Variants in MAPK9 observed in about 807,000 individuals in gnomAD.
The protein encoded by MAPK9 is mitogen-activated protein kinase 9.
A neutral mutation model predicts 57.1 loss-of-function variants in MAPK9; 30 were observed. The ratio of observed to expected loss-of-function variants is 0.53; its 90% CI spans 0.39 to 0.71. The LOEUF (loss-of-function observed/expected upper bound fraction) is 0.71, where lower values mean the gene tolerates loss of function less well. Among genes scored for constraint, MAPK9 ranks in the 30% least tolerant of loss-of-function variants. The probability of loss-of-function intolerance (pLI) is 0.00; values close to 1 mark genes in which losing one functional copy is unlikely to be tolerated. For missense variants in MAPK9, 362 were observed against 521.0 expected (o/e 0.69, Z 2.97); for synonymous variants, 155 against 177.0 (o/e 0.88, Z 0.99).
At position 180,234,382 on chromosome 5, in the gene MAPK9, C is replaced by T. The variant is rs1210631952; in HGVS notation, c.*2002G>A. 6.6e-6 allele frequency: 1 copy of T among 152,220 alleles called. No individual in the cohort carries two copies. Among genetic ancestry groups the T allele is most frequent in the Non-Finnish European group, 1.5e-5 (1 of 68,050 alleles). The allele number at this position is 152,220 out of a possible 1,614,324, so 9.4% of individuals were successfully genotyped here. A position where few individuals can be genotyped will look rare whatever the true frequency, so the allele number is the denominator to read the frequency against. On this transcript the variant is annotated 3_prime_UTR_variant, in exon 12 of 12. Transcript: ENST00000452135. ...CCCTGTGGCCTGTCCTAGGCACGCTCGCCTCTACCTGGTGGAAGATGGCCT... is the reference window on the plus strand; with the variant it reads ...CCCTGTGGCCTGTCCTAGGCACGCTTGCCTCTACCTGGTGGAAGATGGCCT...
intron 10 of MAPK9, 120 bp downstream of exon 10, chr5:180,239,803 TA>T: frequency 1.2e-6 from 1 of 862,706 alleles, no homozygotes; most frequent in Non-Finnish European, 1.9e-6. Context: ...AGAAAGAGGC[TA>T]AGTGGGTCGC....
At chr5:180,288,378 C>T (rs956576495) in intron 1 of MAPK9, among the ~76,000 whole-genome samples, 1 of 152,246 alleles carries the variant, frequency 6.6e-6, no homozygotes, top group Non-Finnish European at 1.5e-5. Flanking sequence ...GTATGGCCTT[C>T]TCTTGCTCTA....
intron 1 of MAPK9, among the ~76,000 whole-genome samples, chr5:180,283,703 A>T (rs1240592936): frequency 6.6e-6 from 1 of 152,360 alleles, no homozygotes; most frequent in Non-Finnish European, 1.5e-5. Flanking sequence ...TGGGAGGCCA[A>T]CGTGGGGGAA....
rs1762240502 is a variant in MAPK9, at chr5:180,280,608, C to A, written c.-47G>T. On this transcript the variant is annotated splice_region_variant and 5_prime_UTR_variant, in exon 2 of 12. Transcript: ENST00000452135. ...CCGAAGGGTGGGCAAGTTTCAGATCCCTTCAAAGAAAAACAGAATGAACGT... is the reference window on the plus strand; with the variant it reads ...CCGAAGGGTGGGCAAGTTTCAGATCACTTCAAAGAAAAACAGAATGAACGT... The A allele has an allele frequency of 1.9e-6, 3 of 1,592,868 alleles. No individual in the cohort carries two copies. The highest frequency in any genetic ancestry group is 2.6e-6 in the Non-Finnish European group (3 of 1,168,118).
chr5:180,266,758 C>T (rs1760606155), intron 3 of MAPK9, among the ~76,000 whole-genome samples: 1 of 152,074 alleles, frequency 6.6e-6, no homozygotes, highest in South Asian at 2.1e-4. Context: ...TTCTCAAATA[C>T]TCTTAATGAA....
intron 5 of MAPK9, among the ~76,000 whole-genome samples, chr5:180,252,680 C>A (rs1439580731): frequency 3.9e-5 from 6 of 152,196 alleles, no homozygotes; most frequent in African/African-American, 1.4e-4. Flanking sequence ...ACACTGAGGA[C>A]TGGGGAGACG....
At chr5:180,284,738 A>G (rs1220794473) in intron 1 of MAPK9, among the ~76,000 whole-genome samples, 7 of 152,262 alleles carry the variant, frequency 4.6e-5, no homozygotes, top group Admixed American at 4.6e-4. Flanking sequence ...GAAGTAATCT[A>G]AAATGCACAC....
chr5:180,289,151 C>T (rs933952502), intron 1 of MAPK9, among the ~76,000 whole-genome samples: 7 of 152,152 alleles, frequency 4.6e-5, no homozygotes, highest in African/African-American at 1.7e-4. Flanking sequence ...TATCTTATGC[C>T]TCATGAAAAC....
chr5:180,236,615 T>C, intron 11 of MAPK9, 89 bp from the exon 12 acceptor site: 2 of 1,423,948 alleles, frequency 1.4e-6, no homozygotes, highest in Non-Finnish European at 1.9e-6. Context: ...TTCTCGGCTC[T>C]GTCCTTTTGC....
At chr5:180,238,800 G>A (rs1757410761) in intron 10 of MAPK9, among the ~76,000 whole-genome samples, 1 of 151,940 alleles carries the variant, frequency 6.6e-6, no homozygotes, top group Non-Finnish European at 1.5e-5. Flanking sequence ...GTAGAGACAG[G>A]GTTTCGCTAT....
At chr5:180,254,290 T>C (rs911732064) in intron 5 of MAPK9, among the ~76,000 whole-genome samples, 1 of 152,146 alleles carries the variant, frequency 6.6e-6, no homozygotes, top group Non-Finnish European at 1.5e-5. Context: ...TTAAACATGA[T>C]CCAACCAGAC....
At position 180,254,078 on chromosome 5, in the gene MAPK9, T is replaced by G. The variant is rs1468798122; in HGVS notation, c.451-4940A>C. On this transcript the variant is annotated intron_variant, in intron 5 of 11. Transcript: ENST00000452135. The stretch of plus-strand genomic sequence containing the variant: ...GCTTCCTGGGTTCAAGAAATTCTCC[T>G]GCCTCAGTCTCCTGACTAGCTGGGA... Among the ~76,000 whole-genome samples the G allele has an allele frequency of 8.0e-5, 12 of 150,590 alleles. No homozygotes were observed. In the East Asian group the frequency reaches 2.4e-3, roughly 30 times the overall value.
intron 4 of MAPK9, among the ~76,000 whole-genome samples, chr5:180,263,572 C>T (rs1283539148): frequency 3.3e-5 from 5 of 152,144 alleles, no homozygotes; most frequent in Non-Finnish European, 1.5e-5. Flanking sequence ...TCTTCCCCTG[C>T]TCCCTCATCT....
intron 11 of MAPK9, 63 bp downstream of exon 11, chr5:180,238,269 C>G (rs1219316332): frequency 1.1e-6 from 1 of 882,342 alleles, no homozygotes; most frequent in Non-Finnish European, 1.6e-6. Flanking sequence ...AACTCTGTCT[C>G]AAAAAAAAAA....
intron 5 of MAPK9, among the ~76,000 whole-genome samples, chr5:180,259,293 T>C (rs532583845): frequency 2.0e-4 from 31 of 151,812 alleles, no homozygotes; most frequent in African/African-American, 6.8e-4. Flanking sequence ...ACCCTTTGAC[T>C]GTAAGGAATG....
At chr5:180,248,760 TAAC>T (rs1475158549) in intron 6 of MAPK9, among the ~76,000 whole-genome samples, 1 of 152,120 alleles carries the variant, frequency 6.6e-6, no homozygotes, top group Non-Finnish European at 1.5e-5. Flanking sequence ...AGTTCAAAAA[TAAC>T]AATTTTAAAA....
At chr5:180,285,062 C>T (rs1762620207) in intron 1 of MAPK9, among the ~76,000 whole-genome samples, 1 of 152,178 alleles carries the variant, frequency 6.6e-6, no homozygotes, top group Non-Finnish European at 1.5e-5. Context: ...AAATGAAAAG[C>T]TGCAGAATGA....
intron 2 of MAPK9, among the ~76,000 whole-genome samples, chr5:180,272,298 A>G (rs924319008): frequency 2.6e-5 from 4 of 152,174 alleles, no homozygotes; most frequent in Admixed American, 1.3e-4. Context: ...CTTGATTGAT[A>G]ATAAGTTTTC....
intron 2 of MAPK9, among the ~76,000 whole-genome samples, chr5:180,275,195 G>A (rs1761702983): frequency 6.6e-6 from 1 of 152,042 alleles, no homozygotes; most frequent in African/African-American, 2.4e-5. Flanking sequence ...ACTGGGCCTT[G>A]CACGTATAAA....
Sources: gnomAD v4.1 joint callset for allele counts (sites outside exome capture counted in the v4.1 genomes callset) on GRCh38, gnomAD v4.1.1 for gene constraint, MANE v1.5 for transcripts, NCBI Gene and HGNC (gene_info 2026-07-23, HGNC 2026-07-21) for gene names.